The following PRKCQ variants were observed in gnomAD, a reference collection of about 807,000 sequenced individuals.
The protein encoded by PRKCQ is protein kinase C theta type.
Under a neutral mutation model 91.2 loss-of-function variants are expected in PRKCQ, and 41 were observed. The observed-to-expected ratio is 0.45, with a 90% CI of 0.35 to 0.58. The LOEUF (loss-of-function observed/expected upper bound fraction) is 0.58. PRKCQ is among the 20% of genes least tolerant of loss of function. The probability of loss-of-function intolerance (pLI) is 0.00; values close to 1 mark genes in which losing one functional copy is unlikely to be tolerated. For synonymous variants in PRKCQ, 307 were observed against 316.9 expected (o/e 0.97, Z 0.33); for missense variants, 673 against 896.5 (o/e 0.75, Z 3.18).
chr10:6,437,234 G>A (rs1833739556), intron 16 of PRKCQ, among the ~76,000 whole-genome samples: 3 of 152,220 alleles, frequency 2.0e-5, no homozygotes, highest in Non-Finnish European at 2.9e-5. Flanking sequence ...GTAGGTAAGG[G>A]CTTTATGGAG....
At chr10:6,475,089 C>CAG (rs1356502132) in intron 12 of PRKCQ, among the ~76,000 whole-genome samples, 1 of 152,176 alleles carries the variant, frequency 6.6e-6, no homozygotes, top group African/African-American at 2.4e-5. Flanking sequence ...TAATTTATGC[C>CAG]AGAGCCTGGA....
chr10:6,543,072 T>C lies in PRKCQ; in HGVS notation c.-9-27928A>G, dbSNP rs569960024. On this transcript the variant is annotated intron_variant, in intron 1 of 17. Coordinates refer to ENST00000263125, the MANE Select transcript of PRKCQ (RefSeq NM_006257.5). ...GGAAGTCACTATTTTGGTGGAGCCC[T>C]GAGGGTGGGCCCTGCCCTCCCTGGA... Among the ~76,000 whole-genome samples, 16 of 152,310 alleles carry C rather than the reference T, an allele frequency of 1.1e-4. No individual in the cohort carries two copies. In the South Asian group the frequency reaches 2.9e-3, roughly 28 times the overall value.
At chr10:6,484,747 G>T (rs1836806803) in intron 10 of PRKCQ, among the ~76,000 whole-genome samples, 1 of 152,188 alleles carries the variant, frequency 6.6e-6, no homozygotes, top group South Asian at 2.1e-4. Flanking sequence ...CTGCCATAAT[G>T]TCATGAAAGT....
chr10:6,469,048 ATTAT>A (rs919878167), intron 12 of PRKCQ, among the ~76,000 whole-genome samples: 1 of 152,212 alleles, frequency 6.6e-6, no homozygotes. Context: ...ATACATTGTT[ATTAT>A]TTATCACACA....
chr10:6,399,600 C>G, the PRKCQ span, among the ~76,000 whole-genome samples: 1 of 151,934 alleles, frequency 6.6e-6, no homozygotes, highest in Non-Finnish European at 1.5e-5. Context: ...CAGAAGAGAG[C>G]AGGGTGAGGA....
intron 15 of PRKCQ, among the ~76,000 whole-genome samples, chr10:6,455,039 A>G (rs890607409): frequency 2.0e-5 from 3 of 152,196 alleles, no homozygotes; most frequent in African/African-American, 7.2e-5. Context: ...AGGTGTTGCA[A>G]GGTGAAGAGG....
rs374349438 is a variant in PRKCQ at position 6,498,303 on chromosome 10, C to G, written c.542+93G>C. 12 of 1,464,374 alleles carry G rather than the reference C, an allele frequency of 8.2e-6. No homozygotes were observed. In the African/African-American group the frequency reaches 1.3e-4, roughly 15 times the overall value. 90.7% of individuals were successfully genotyped at this position (1,464,374 alleles called of 1,614,324 possible). A position where few individuals can be genotyped will look rare whatever the true frequency, so the allele number is the denominator to read the frequency against. ...CTGAGGTAGCATTTACTCCAGCACA[C>G]CCCCCACAGTGGAGCATGCCAGCGT... On this transcript the variant is annotated intron_variant, in intron 5 of 17. Coordinates refer to ENST00000263125, the MANE Select transcript of PRKCQ (RefSeq NM_006257.5).
intron 1 of PRKCQ, among the ~76,000 whole-genome samples, chr10:6,528,837 C>T (rs529643292): frequency 6.6e-6 from 1 of 152,338 alleles, no homozygotes; most frequent in Admixed American, 6.5e-5. Flanking sequence ...CCTGTCCCTA[C>T]TTGCAAAGGA....
intron 7 of PRKCQ, among the ~76,000 whole-genome samples, chr10:6,495,815 G>A (rs1217895709): frequency 6.6e-6 from 1 of 152,168 alleles, no homozygotes; most frequent in African/African-American, 2.4e-5. Context: ...CAGGATGGGA[G>A]GGAGGGAGGA....
chr10:6,456,575 T>G, intron 15 of PRKCQ, 99 bp downstream of exon 15: 3 of 1,446,578 alleles, frequency 2.1e-6, no homozygotes, highest in Non-Finnish European at 2.8e-6. Context: ...AAATCTTGAA[T>G]GAAGATATTT....
chr10:6,501,701 G>GTAATCCCAGATAC (rs1837924166), intron 4 of PRKCQ, among the ~76,000 whole-genome samples: 1 of 152,054 alleles, frequency 6.6e-6, no homozygotes. Context: ...GAACATGCTT[G>GTAATCCCAGATAC]TAATCCCAGA....
chr10:6,491,160 T>G (rs1246995001), intron 8 of PRKCQ, among the ~76,000 whole-genome samples: 1 of 152,186 alleles, frequency 6.6e-6, no homozygotes, highest in Non-Finnish European at 1.5e-5. Context: ...AGCAATGGTT[T>G]AGGGATGGAT....
chr10:6,579,688 C>T (rs547579452), intron 1 of PRKCQ, among the ~76,000 whole-genome samples: 2 of 151,416 alleles, frequency 1.3e-5, no homozygotes, highest in East Asian at 3.9e-4. Context: ...AGACCTGCCT[C>T]CCCCTCCCCC....
At chr10:6,537,112 G>A (rs762371865) in intron 1 of PRKCQ, among the ~76,000 whole-genome samples, 8 of 152,268 alleles carry the variant, frequency 5.3e-5, no homozygotes, top group East Asian at 3.9e-4. Flanking sequence ...CAGAAGAGGC[G>A]GTTTGACTCC....
chr10:6,468,408 T>C (rs1835795044), intron 12 of PRKCQ, among the ~76,000 whole-genome samples: 3 of 152,216 alleles, frequency 2.0e-5, no homozygotes. Flanking sequence ...TAATCAAATA[T>C]TGAGTAAACA....
chr10:6,486,239 G>A (rs1836914599), intron 8 of PRKCQ, 95 bp from the exon 9 acceptor site: 2 of 1,024,778 alleles, frequency 2.0e-6, no homozygotes, highest in Admixed American at 2.0e-5. Flanking sequence ...TGCGGATAGG[G>A]AGGAAAGCCT....
chr10:6,442,731 G>A (rs1056065303), intron 15 of PRKCQ, among the ~76,000 whole-genome samples: 15 of 152,174 alleles, frequency 9.9e-5, no homozygotes, highest in African/African-American at 3.1e-4. Flanking sequence ...GGAGGCCGAG[G>A]CTAGTGGATC....
At position 6,482,148 on chromosome 10, in the gene PRKCQ, T is replaced by C. The variant is rs528138926; in HGVS notation, c.1179+1292A>G. On this transcript the variant is annotated intron_variant, in intron 11 of 17. Coordinates refer to ENST00000263125, the MANE Select transcript of PRKCQ (RefSeq NM_006257.5). ...TTTTTCCAGGACTCTCAAGCTACAG[T>C]TTTCTTATGGGCTGAATTGTGTCTA... Among the ~76,000 whole-genome samples the C allele has an allele frequency of 9.9e-5, 15 of 152,148 alleles. No individual in the cohort carries two copies. In the East Asian group the frequency reaches 2.5e-3, roughly 26 times the overall value.
At chr10:6,402,982 A>G in the PRKCQ span, among the ~76,000 whole-genome samples, 1 of 152,210 alleles carries the variant, frequency 6.6e-6, no homozygotes, top group Non-Finnish European at 1.5e-5. Flanking sequence ...TCTGCACACT[A>G]TCTCCTGACC....
Sources: gnomAD v4.1 joint callset for allele counts (sites outside exome capture counted in the v4.1 genomes callset) on GRCh38, gnomAD v4.1.1 for gene constraint, MANE v1.5 for transcripts, NCBI Gene and HGNC (gene_info 2026-07-23, HGNC 2026-07-21) for gene names.